REL: variants seen among roughly 807,000 people sequenced by gnomAD.
REL encodes REL proto-oncogene, NF-kB subunit.
A neutral mutation model predicts 45.9 loss-of-function variants in REL; 15 were observed. The ratio of observed to expected loss-of-function variants is 0.33; its 90% confidence interval spans 0.22 to 0.50. The LOEUF is 0.50. Among genes scored for constraint, REL ranks in the 20% least tolerant of loss-of-function variants. REL has a pLI of 0.98. For missense variants in REL, 601 were observed against 715.2 expected (o/e 0.84, Z 1.82); for synonymous variants, 239 against 242.1 (o/e 0.99, Z 0.12).
At chr2:60,891,482 A>G (rs980200910) in intron 1 of REL, among the ~76,000 whole-genome samples, 2 of 152,196 alleles carry the variant, frequency 1.3e-5, no homozygotes, top group African/African-American at 2.4e-5. Context: ...TTTTGACACT[A>G]CATAGGGACT....
intron 4 of REL, among the ~76,000 whole-genome samples, chr2:60,912,529 T>G (rs1401780305): frequency 2.0e-5 from 3 of 152,166 alleles, no homozygotes; most frequent in Non-Finnish European, 4.4e-5. Context: ...GAAGACTTAC[T>G]GTGTATATAA....
In REL at chr2:60,924,356, C is replaced by T. The variant is rs542316577; in HGVS notation, c.*1821C>T. ...CTCCAATTTGTAGAAAAATGCCTAC[C>T]TTATATTAAACACTCAGTAAATGTT... is the stretch of plus-strand genomic sequence containing the variant. On this transcript the variant is annotated 3_prime_UTR_variant, in exon 10 of 10. Coordinates refer to ENST00000394479, the MANE Select transcript of REL (RefSeq NM_001291746.2). 12 of 217,468 alleles carry T rather than the reference C, an allele frequency of 5.5e-5. No homozygotes were observed. Among genetic ancestry groups the T allele is most frequent in the Non-Finnish European group, 1.0e-4 (11 of 108,182 alleles). 13.5% of individuals were successfully genotyped at this position (217,468 alleles called of 1,614,324 possible).
chr2:60,911,727 G>A (rs1432787085), intron 4 of REL, among the ~76,000 whole-genome samples: 4 of 151,968 alleles, frequency 2.6e-5, no homozygotes, highest in African/African-American at 7.3e-5. Context: ...CAGGCCGGGC[G>A]TGGTAGCTCA....
chr2:60,888,807 C>A (rs1004312333), intron 1 of REL, among the ~76,000 whole-genome samples: 1 of 152,236 alleles, frequency 6.6e-6, no homozygotes, highest in East Asian at 1.9e-4. Context: ...ATCAGTGATT[C>A]TTTAATTTCT....
Position 60,914,227 on chromosome 2 carries a change from T to A in REL, c.395-2650T>A, listed in dbSNP as rs888523457. Among the ~76,000 whole-genome samples the A allele has an allele frequency of 4.6e-5, 7 of 152,316 alleles. No homozygotes were observed. In the South Asian group the frequency reaches 1.4e-3, roughly 32 times the overall value. On this transcript the variant is annotated intron_variant, in intron 4 of 9. Transcript: ENST00000394479. ...AAGTTAGGCTTTATAGAAAAGAAGC[T>A]TTGAGCTGGGGTTTCAGCCTTACAC...
At position 60,906,893 on chromosome 2, in the gene REL, G is replaced by A. The variant is rs867307816; in HGVS notation, c.394+5810G>A. On this transcript the variant is annotated intron_variant, in intron 4 of 9. Coordinates refer to ENST00000394479, the MANE Select transcript of REL (RefSeq NM_001291746.2). ...TGTGCGTGTGTGTATGTGTGTGTGT[G>A]TATATATATATATATATATATTTTT... is the stretch of plus-strand genomic sequence containing the variant. Among the ~76,000 whole-genome samples the A allele has an allele frequency of 1.9e-3, 232 of 121,392 alleles. 1 individual carries two copies. The highest frequency in any genetic ancestry group is 7.4e-3 in the African/African-American group (220 of 29,886). The allele number at this position is 121,392 out of a possible 152,430, so 79.6% of individuals were successfully genotyped here.
At chr2:60,906,909 A>ATTT (rs1291297864) in intron 4 of REL, among the ~76,000 whole-genome samples, 13 of 97,486 alleles carry the variant, frequency 1.3e-4, no homozygotes, top group Non-Finnish European at 1.7e-4. Context: ...ATATATATAT[A>ATTT]TATATTTTTT....
In REL at chr2:60,926,136, C is replaced by T. The variant is rs763676082; in HGVS notation, c.*3601C>T. On this transcript the variant is annotated 3_prime_UTR_variant, in exon 10 of 10. Coordinates refer to ENST00000394479, the MANE Select transcript of REL (RefSeq NM_001291746.2). ...CTGAACTCTACTTGTGCACTGGATC[C>T]CTCCTCCTTTCTCTGCCAGGCTGTG... 55 of 231,600 alleles carry T rather than the reference C, an allele frequency of 2.4e-4. No individual in the cohort carries two copies. The highest frequency in any genetic ancestry group is 4.1e-4 in the Non-Finnish European group (48 of 116,780). 14.3% of individuals were successfully genotyped at this position (231,600 alleles called of 1,614,324 possible). A position where few individuals can be genotyped will look rare whatever the true frequency, so the allele number is the denominator to read the frequency against.
Position 60,924,640 on chromosome 2 carries a change from A to T in REL, c.*2105A>T, listed in dbSNP as rs534785279. On this transcript the variant is annotated 3_prime_UTR_variant, in exon 10 of 10. Transcript: ENST00000394479. ...AAAGAGATTTTATTGAAGGTAAAAC[A>T]TTAGAGGTTCATTGAGAATCTCTAA... 26 of 213,850 alleles carry T rather than the reference A, an allele frequency of 1.2e-4. No homozygotes were observed. The highest frequency in any genetic ancestry group is 5.9e-4 in the African/African-American group (26 of 44,414). 13.2% of individuals were successfully genotyped at this position (213,850 alleles called of 1,614,324 possible). A position where few individuals can be genotyped will look rare whatever the true frequency, so the allele number is the denominator to read the frequency against.
chr2:60,884,745 A>G (rs1212988938), intron 1 of REL, among the ~76,000 whole-genome samples: 1 of 152,090 alleles, frequency 6.6e-6, no homozygotes, highest in African/African-American at 2.4e-5. Context: ...CATTTTTCTT[A>G]GTATGGTTCT....
At chr2:60,919,572 T>G (rs765544460) in intron 7 of REL, among the ~76,000 whole-genome samples, 5 of 152,048 alleles carry the variant, frequency 3.3e-5, no homozygotes, top group Admixed American at 6.6e-5. Flanking sequence ...ACTACAGGCA[T>G]GCGCCACCAC....
rs1172505952 is a variant in REL, at chr2:60,923,546, T to G, written c.*1011T>G. 1 of 232,588 alleles carries G rather than the reference T, an allele frequency of 4.3e-6. No individual in the cohort carries two copies. The allele number at this position is 232,588 out of a possible 1,614,324, so 14.4% of individuals were successfully genotyped here. Reference sequence around the variant, plus strand: ...AATTCTTGGTCTTCCCTCCCAAACTTGCTTCTCCTTCAGTCTTCTCCAACT... The same window carrying G: ...AATTCTTGGTCTTCCCTCCCAAACTGGCTTCTCCTTCAGTCTTCTCCAACT... On this transcript the variant is annotated 3_prime_UTR_variant, in exon 10 of 10. Transcript: ENST00000394479.
rs148816752 is a variant in REL, at chr2:60,924,832, A to G, written c.*2297A>G. 3.1e-4 allele frequency: 65 copies of G among 208,804 alleles called. No individual in the cohort carries two copies. The highest frequency in any genetic ancestry group is 1.4e-3 in the African/African-American group (62 of 44,252). 12.9% of individuals were successfully genotyped at this position (208,804 alleles called of 1,614,324 possible). A position where few individuals can be genotyped will look rare whatever the true frequency, so the allele number is the denominator to read the frequency against. ...CTGGGTAATCTCTACTAGCTCCTTAATCAGATTTAAAATTCTCAGTGTTTC... is the reference window on the plus strand; with the variant it reads ...CTGGGTAATCTCTACTAGCTCCTTAGTCAGATTTAAAATTCTCAGTGTTTC... On this transcript the variant is annotated 3_prime_UTR_variant, in exon 10 of 10. Transcript: ENST00000394479.
Position 60,922,744 on chromosome 2 carries a change from A to C in REL, c.*209A>C. ...AGCGAATACAAAATTGGAAGCTGTC[A>C]TAAAAAGACAACTCAGAGGCCAGGC... On this transcript the variant is annotated 3_prime_UTR_variant, in exon 10 of 10. Transcript: ENST00000394479. The C allele has an allele frequency of 8.6e-7, 1 of 1,165,792 alleles. No homozygotes were observed. 72.2% of individuals were successfully genotyped at this position (1,165,792 alleles called of 1,614,324 possible).
intron 3 of REL, chr2:60,899,159 T>C (rs1255168003): frequency 6.6e-6 from 1 of 152,206 alleles, no homozygotes; most frequent in African/African-American, 2.4e-5. Flanking sequence ...AAGAGGATTA[T>C]AGTTGCAAGA....
At chr2:60,912,403 C>A (rs1212385139) in intron 4 of REL, among the ~76,000 whole-genome samples, 1 of 152,118 alleles carries the variant, frequency 6.6e-6, no homozygotes, top group Non-Finnish European at 1.5e-5. Context: ...GCCGTAGAAA[C>A]TTAACTCTTA....
rs754425017 is a variant in REL, at chr2:60,916,871, A to C, written c.395-6A>C. 8 of 1,605,270 alleles carry C rather than the reference A, an allele frequency of 5.0e-6. No individual in the cohort carries two copies. The highest frequency in any genetic ancestry group is 6.8e-6 in the Non-Finnish European group (8 of 1,176,300). On this transcript the variant is annotated splice_polypyrimidine_tract_variant and splice_region_variant and intron_variant, in intron 4 of 9. Transcript: ENST00000394479. Reference sequence around the variant, plus strand: ...TACATTTAAAAAATTTTTTTTTTCTATTCAGTCCCTGAAAAACAGCTGAAT... The same window carrying C: ...TACATTTAAAAAATTTTTTTTTTCTCTTCAGTCCCTGAAAAACAGCTGAAT...
At chr2:60,921,505 AG>A (rs890831458) in intron 9 of REL, among the ~76,000 whole-genome samples, 1 of 152,190 alleles carries the variant, frequency 6.6e-6, no homozygotes, top group Non-Finnish European at 1.5e-5. Context: ...ATTTAATTGA[AG>A]TGAAATTACA....
chr2:60,911,578 G>A (rs1042651733), intron 4 of REL: 1 of 152,154 alleles, frequency 6.6e-6, no homozygotes, highest in East Asian at 1.9e-4. Context: ...TATGAAGTAT[G>A]TAGAAACAAA....
Sources: gnomAD v4.1 joint callset for allele counts (sites outside exome capture counted in the v4.1 genomes callset) on GRCh38, gnomAD v4.1.1 for gene constraint, MANE v1.5 for transcripts, NCBI Gene and HGNC (gene_info 2026-07-23, HGNC 2026-07-21) for gene names.